BANP: variants seen among roughly 807,000 people sequenced by gnomAD.
BANP encodes protein BANP.
In BANP, 11 loss-of-function variants were observed where a neutral mutation model predicts 68.1. That is an observed-to-expected ratio of 0.16 (90% CI 0.10 to 0.27). The LOEUF (loss-of-function observed/expected upper bound fraction) is 0.27, where lower values mean the gene tolerates loss of function less well. Among genes scored for constraint, BANP ranks in the 10% least tolerant of loss-of-function variants. BANP has a pLI of 1.00. For missense variants in BANP, 504 were observed against 722.7 expected, an observed-to-expected ratio of 0.70 and a Z score of 3.47; for synonymous variants, 329 against 303.2, an observed-to-expected ratio of 1.09 and a Z score of -0.88.
rs529071698 is a variant in BANP at position 87,961,492 on chromosome 16, A to G, written c.-69+9977A>G. On this transcript the variant is annotated intron_variant, in intron 1 of 13. Transcript: ENST00000682872. ...GGCTGCCTTTTTGTCATATGCATCGACCAAAACAACATATCGGAGCAGACC... is the reference window on the plus strand; with the variant it reads ...GGCTGCCTTTTTGTCATATGCATCGGCCAAAACAACATATCGGAGCAGACC... Among the ~76,000 whole-genome samples the G allele has an allele frequency of 2.7e-5, 4 of 149,412 alleles. No individual in the cohort carries two copies. The East Asian group carries it at 7.7e-4, about 29-fold the overall frequency.
chr16:88,051,286 A>G (rs531480790), intron 11 of BANP, among the ~76,000 whole-genome samples: 3 of 152,198 alleles, frequency 2.0e-5, no homozygotes, highest in Non-Finnish European at 4.4e-5. Flanking sequence ...CAGAATCTTG[A>G]ATGTGAAAAG....
At chr16:88,048,403 A>G (rs1402236554) in intron 11 of BANP, among the ~76,000 whole-genome samples, 1 of 152,204 alleles carries the variant, frequency 6.6e-6, no homozygotes, top group Non-Finnish European at 1.5e-5. Flanking sequence ...GCCAGAAGAA[A>G]GGACGTCCAT....
At chr16:88,015,289 T>C (rs1347159894) in intron 6 of BANP, among the ~76,000 whole-genome samples, 1 of 144,054 alleles carries the variant, frequency 6.9e-6, no homozygotes, top group African/African-American at 2.6e-5. Flanking sequence ...TGTACCTCCC[T>C]GCCTGTGCCC....
intron 1 of BANP, among the ~76,000 whole-genome samples, chr16:87,956,040 G>A (rs1462435199): frequency 6.6e-6 from 1 of 152,136 alleles, no homozygotes; most frequent in East Asian, 1.9e-4. Flanking sequence ...AGGGGTTTGG[G>A]GGCTCCAGGC....
intron 1 of BANP, among the ~76,000 whole-genome samples, chr16:87,974,169 G>GAT (rs1448085776): frequency 3.3e-5 from 5 of 152,234 alleles, no homozygotes; most frequent in African/African-American, 1.2e-4. Context: ...ATAAAAACAT[G>GAT]ATGGTCACAT....
intron 4 of BANP, among the ~76,000 whole-genome samples, chr16:87,986,459 C>G (rs1330998261): frequency 6.6e-6 from 1 of 152,228 alleles, no homozygotes; most frequent in African/African-American, 2.4e-5. Context: ...TGCTTGGATT[C>G]CATCTGCACA....
Position 88,018,525 on chromosome 16 carries a change from C to T in BANP, c.753C>T (p.Thr251=). 6.2e-7 allele frequency: 1 copy of T among 1,613,634 alleles called. No homozygotes were observed. The highest frequency in any genetic ancestry group is 2.2e-5 in the East Asian group (1 of 44,876). The change falls in exon 7 of 14, where the codon ACC becomes ACT. Residue 251 remains threonine (T), a synonymous_variant. Transcript: ENST00000682872. The surrounding 1 kb of genome is among the most constrained non-coding windows in gnomAD (Gnocchi z 7.7). ...IIPSDMLHIS[T]NCRTAEKMAL... is the part of the protein sequence containing the mutation. ...CCTCCGACATGCTGCACATCAGCAC[C>T]AACTGCCGCACGGCCGAGAAGATGG...
chr16:88,069,690 G>T (rs372318533), intron 12 of BANP, among the ~76,000 whole-genome samples: 30 of 152,204 alleles, frequency 2.0e-4, no homozygotes, highest in Middle Eastern at 3.2e-3. Context: ...AGGGCCAGCA[G>T]CCCCTTTGTC....
At chr16:87,990,545 A>G (rs563728317) in intron 4 of BANP, among the ~76,000 whole-genome samples, 45 of 152,338 alleles carry the variant, frequency 3.0e-4, no homozygotes, top group African/African-American at 1.0e-3. Context: ...TGATATTCTC[A>G]GTCAAAATTA....
At position 88,071,470 on chromosome 16, in the gene BANP, C is replaced by G. The variant is rs574378175; in HGVS notation, c.1378-599C>G. The G allele has an allele frequency of 1.4e-3, 658 of 456,296 alleles. 14 individuals are homozygous for G. The highest frequency in any genetic ancestry group is 0.01 in the South Asian group (648 of 64,560). 28.3% of individuals were successfully genotyped at this position (456,296 alleles called of 1,614,324 possible). A position where few individuals can be genotyped will look rare whatever the true frequency, so the allele number is the denominator to read the frequency against. ...CATACTCTGGGAGGCGGTACAAGGT[C>G]GGGAGGGCCAGCGGGGCTCTCTGCC... On this transcript the variant is annotated intron_variant, in intron 12 of 13. Coordinates refer to ENST00000682872, the MANE Select transcript of BANP (RefSeq NM_001386991.1). The surrounding 1 kb of genome is among the most constrained non-coding windows in gnomAD (Gnocchi z 6.5).
intron 11 of BANP, among the ~76,000 whole-genome samples, chr16:88,047,443 C>T (rs2082285304): frequency 1.3e-5 from 2 of 152,156 alleles, no homozygotes; most frequent in African/African-American, 4.8e-5. Flanking sequence ...GAGTTTGGCC[C>T]CCTGCTTGGG....
intron 7 of BANP, among the ~76,000 whole-genome samples, chr16:88,021,981 T>A (rs1441036544): frequency 6.6e-6 from 1 of 151,990 alleles, no homozygotes; most frequent in Non-Finnish European, 1.5e-5. Flanking sequence ...AATGAGGAAA[T>A]GAGGTTATTG....
chr16:88,002,619 GC>G lies in BANP; in HGVS notation c.363-1670del, dbSNP rs918014954. Among the ~76,000 whole-genome samples, 2 of 152,244 alleles carry G rather than the reference GC, an allele frequency of 1.3e-5. No homozygotes were observed. Among genetic ancestry groups the G allele is most frequent in the Middle Eastern group, 3.4e-3 (1 of 294 alleles). ...TGCTGAGAGCTGTTTGCATCCATGA[GC>G]CCCCCAGAAGCTGTGGGGCACCCGA... On this transcript the variant is annotated intron_variant, in intron 4 of 13. Coordinates refer to ENST00000682872, the MANE Select transcript of BANP (RefSeq NM_001386991.1). The surrounding 1 kb of genome is among the most constrained non-coding windows in gnomAD (Gnocchi z 4.6).
intron 1 of BANP, chr16:87,969,969 A>G (rs1202600930): frequency 2.9e-5 from 4 of 136,434 alleles, no homozygotes; most frequent in African/African-American, 1.2e-4. Context: ...GTGCAGTGGC[A>G]CGGTCTCAGT....
intron 1 of BANP, among the ~76,000 whole-genome samples, chr16:87,968,987 C>CT (rs2060629905): frequency 6.6e-6 from 1 of 152,066 alleles, no homozygotes; most frequent in South Asian, 2.1e-4. Context: ...TGTTGTAGGT[C>CT]TTCTGTATCT....
intron 8 of BANP, among the ~76,000 whole-genome samples, chr16:88,031,936 T>C (rs1251863663): frequency 1.3e-5 from 2 of 151,132 alleles, no homozygotes; most frequent in Non-Finnish European, 3.0e-5. Context: ...TCCCAAGTAG[T>C]TGGGACTACA....
chr16:87,971,007 A>C (rs1313952064), intron 1 of BANP, among the ~76,000 whole-genome samples: 1 of 113,468 alleles, frequency 8.8e-6, no homozygotes, highest in Non-Finnish European at 1.8e-5. Flanking sequence ...ACAGAGTGAG[A>C]CTGCATCTCA....
intron 11 of BANP, among the ~76,000 whole-genome samples, chr16:88,060,733 C>T (rs570302220): frequency 1.3e-5 from 2 of 152,056 alleles, no homozygotes; most frequent in African/African-American, 4.8e-5. Context: ...GCAGCCCGGC[C>T]GGGCTCCCCG....
At chr16:88,016,302 T>A (rs1405146630) in intron 6 of BANP, among the ~76,000 whole-genome samples, 1 of 152,204 alleles carries the variant, frequency 6.6e-6, no homozygotes, top group Non-Finnish European at 1.5e-5. Context: ...TCGGCCACTG[T>A]CCTCCCACAT....
Sources: gnomAD v4.1 joint callset for allele counts (sites outside exome capture counted in the v4.1 genomes callset) on GRCh38, gnomAD v4.1.1 for gene constraint, Gnocchi (gnomAD v3.1) non-coding constraint, MANE v1.5 for transcripts, NCBI Gene and HGNC (gene_info 2026-07-23, HGNC 2026-07-21) for gene names.